Variants in QRSL1 observed in about 807,000 individuals in gnomAD.
The protein encoded by QRSL1 is glutamyl-tRNA(Gln) amidotransferase subunit A, mitochondrial.
Under a neutral mutation model 61.6 loss-of-function variants are expected in QRSL1, and 54 were observed. The ratio of observed to expected loss-of-function variants is 0.88; its 90% CI spans 0.70 to 1.10. QRSL1 has a LOEUF of 1.10. Among genes scored for constraint, QRSL1 ranks in the 50% least tolerant of loss-of-function variants. The probability of loss-of-function intolerance (pLI) is 0.00; values close to 1 mark genes in which losing one functional copy is unlikely to be tolerated. For missense variants in QRSL1, 505 were observed against 622.6 expected (o/e 0.81, Z 2.01); for synonymous variants, 228 against 225.7 (o/e 1.01, Z -0.09).
chr6:106,639,961 T>C (rs1037772919), intron 1 of QRSL1: 5 of 159,026 alleles, frequency 3.1e-5, no homozygotes, highest in African/African-American at 9.6e-5. Flanking sequence ...TCACTTCTCT[T>C]TTTTTCTCTC....
chr6:106,641,053 GT>G, intron 3 of QRSL1, 132 bp downstream of exon 3: 1 of 649,060 alleles, frequency 1.5e-6, no homozygotes, highest in Non-Finnish European at 2.4e-6. Flanking sequence ...ATAATATCAT[GT>G]TTTTTTACTA....
At chr6:106,657,053 T>C (rs1015302116) in intron 9 of QRSL1, among the ~76,000 whole-genome samples, 1 of 152,162 alleles carries the variant, frequency 6.6e-6, no homozygotes, top group Non-Finnish European at 1.5e-5. Flanking sequence ...GCAGATCACC[T>C]GAGGTTAGGA....
intron 1 of QRSL1, among the ~76,000 whole-genome samples, chr6:106,630,890 T>C (rs909406086): frequency 4.6e-5 from 7 of 152,250 alleles, no homozygotes; most frequent in Non-Finnish European, 8.8e-5. Context: ...AAATACATTA[T>C]TATGTTATCA....
At chr6:106,660,421 A>G (rs1562172456) in intron 9 of QRSL1, among the ~76,000 whole-genome samples, 1 of 149,400 alleles carries the variant, frequency 6.7e-6, no homozygotes, top group Non-Finnish European at 1.5e-5. Flanking sequence ...TCCTGGGCTC[A>G]AGGAATCCTA....
chr6:106,652,453 A>G lies in QRSL1; in HGVS notation c.734-14A>G. 6.2e-7 allele frequency: 1 copy of G among 1,613,972 alleles called. No individual in the cohort carries two copies. The highest frequency in any genetic ancestry group is 8.5e-7 in the Non-Finnish European group (1 of 1,179,878). On this transcript the variant is annotated splice_polypyrimidine_tract_variant and intron_variant, in intron 6 of 10. Coordinates refer to ENST00000369046, the MANE Select transcript of QRSL1 (RefSeq NM_018292.5). Reference sequence around the variant, plus strand: ...AACAATATATCTGTCATTCATAAGTATTGCTCCTTACAGGTGCACTGGCCG... The same window carrying G: ...AACAATATATCTGTCATTCATAAGTGTTGCTCCTTACAGGTGCACTGGCCG...
At chr6:106,662,016 C>A (rs1356354397) in intron 9 of QRSL1, among the ~76,000 whole-genome samples, 1 of 152,088 alleles carries the variant, frequency 6.6e-6, no homozygotes, top group African/African-American at 2.4e-5. Flanking sequence ...CGGCCTAGAA[C>A]AGTTCTTGCT....
intron 7 of QRSL1, chr6:106,653,203 C>T (rs1777213745): frequency 6.4e-6 from 1 of 157,382 alleles, no homozygotes; most frequent in Non-Finnish European, 1.4e-5. Context: ...AAATATTAAG[C>T]ATTGCAATAT....
chr6:106,654,625 T>A (rs1777239278), intron 7 of QRSL1, 105 bp from the exon 8 acceptor site: 1 of 966,412 alleles, frequency 1.0e-6, no homozygotes, highest in Non-Finnish European at 1.5e-6. Flanking sequence ...TTACCAAAGG[T>A]CCTGAAGTAC....
chr6:106,640,676 A>T (rs948175394), intron 2 of QRSL1, 147 bp from the exon 3 acceptor site: 5 of 952,086 alleles, frequency 5.3e-6, no homozygotes, highest in African/African-American at 1.7e-5. Flanking sequence ...ATGCTTCATA[A>T]TGTCCAACTG....
chr6:106,642,922 G>C (rs1229398652), intron 3 of QRSL1, 72 bp from the exon 4 acceptor site: 1 of 1,054,678 alleles, frequency 9.5e-7, no homozygotes, highest in Non-Finnish European at 1.4e-6. Flanking sequence ...GTGAATTCAT[G>C]GCATAATAGG....
At chr6:106,651,135 A>C (rs1419910759) in intron 5 of QRSL1, among the ~76,000 whole-genome samples, 2 of 152,090 alleles carry the variant, frequency 1.3e-5, no homozygotes, top group African/African-American at 2.4e-5. Flanking sequence ...TGATTACTCT[A>C]GTTATCTCAT....
At chr6:106,629,742 C>A in intron 1 of QRSL1, 37 bp downstream of exon 1, 1 of 1,589,666 alleles carries the variant, frequency 6.3e-7, no homozygotes, top group Middle Eastern at 1.7e-4. Flanking sequence ...CCCGGGAGGG[C>A]GGAAAGTTTA....
At chr6:106,640,706 T>A in intron 2 of QRSL1, 117 bp from the exon 3 acceptor site, 1 of 1,064,106 alleles carries the variant, frequency 9.4e-7, no homozygotes, top group Non-Finnish European at 1.4e-6. Flanking sequence ...CTGCCATAAA[T>A]TTGTTTTCTG....
chr6:106,659,465 C>CAA (rs551505405), intron 9 of QRSL1, among the ~76,000 whole-genome samples: 15 of 103,282 alleles, frequency 1.5e-4, no homozygotes, highest in African/African-American at 1.8e-4. Context: ...ACTCTGTCTC[C>CAA]AAAAAAAAAA....
rs752854446 is a variant in QRSL1, at chr6:106,655,626, G to A, written c.1054G>A (p.Asp352Asn). 4 of 1,606,048 alleles carry A rather than the reference G, an allele frequency of 2.5e-6. No individual in the cohort carries two copies. The African/African-American group carries it at 4.0e-5, about 16-fold the overall frequency. The change falls in exon 9 of 11, where the codon GAC (aspartate) becomes AAC (asparagine). Residue 352 changes from aspartate to asparagine, a missense_variant. Physicochemically the swap from Asp to Asn is conservative, Grantham distance 23. Transcript: ENST00000369046. ...TTTCTTGTTTTCAGGTCACAGATGT[G>A]ACATTGATGTGTCCACTGAAGCCAT... ...FDGLQYGHRC[D>N]IDVSTEAMYA...
intron 7 of QRSL1, 158 bp downstream of exon 7, chr6:106,652,740 C>G: frequency 6.5e-7 from 1 of 1,530,586 alleles, no homozygotes; most frequent in Non-Finnish European, 8.8e-7. Context: ...CTCAATTTCC[C>G]CATCTGTAAA....
At chr6:106,631,042 C>A (rs1424297939) in intron 1 of QRSL1, among the ~76,000 whole-genome samples, 1 of 152,046 alleles carries the variant, frequency 6.6e-6, no homozygotes, top group East Asian at 1.9e-4. Flanking sequence ...CTGGCTAACA[C>A]GGTGAAACCC....
At chr6:106,652,628 A>G (rs756123689) in intron 7 of QRSL1, 46 bp downstream of exon 7, 5 of 1,612,354 alleles carry the variant, frequency 3.1e-6, no homozygotes, top group Non-Finnish European at 4.2e-6. Flanking sequence ...GTCAAGTCCA[A>G]TAGAGAGCAC....
chr6:106,658,906 A>C (rs754943710), intron 9 of QRSL1, among the ~76,000 whole-genome samples: 4 of 152,036 alleles, frequency 2.6e-5, no homozygotes, highest in African/African-American at 9.7e-5. Flanking sequence ...CTCTCTTCAC[A>C]TGTATATTAA....
Sources: gnomAD v4.1 joint callset for allele counts (sites outside exome capture counted in the v4.1 genomes callset) on GRCh38, gnomAD v4.1.1 for gene constraint, MANE v1.5 for transcripts, NCBI Gene and HGNC (gene_info 2026-07-23, HGNC 2026-07-21) for gene names.